FASN: variants seen among roughly 807,000 people sequenced by gnomAD.
The protein encoded by FASN is 3-hydroxyacyl-[acyl-carrier-protein] dehydratase.
Under a neutral mutation model 250.0 loss-of-function variants are expected in FASN, and 50 were observed. The observed-to-expected ratio is 0.20, with a 90% CI of 0.16 to 0.25. FASN has a LOEUF of 0.25. Among genes scored for constraint, FASN ranks in the 10% least tolerant of loss-of-function variants. FASN has a pLI of 1.00. For missense variants in FASN, 3,031 were observed against 3,498.5 expected, an observed-to-expected ratio of 0.87 and a Z score of 3.37; for synonymous variants, 1,909 against 1,584.0, an observed-to-expected ratio of 1.21 and a Z score of -4.87.
chr17:82,082,255 C>T (rs2034002730), intron 35 of FASN, 68 bp downstream of exon 35: 2 of 1,605,018 alleles, frequency 1.2e-6, no homozygotes, highest in African/African-American at 1.3e-5. Flanking sequence ...GTCAACAAAC[C>T]ACCTTGGCTC....
At chr17:82,095,276 G>GCA in intron 3 of FASN, 44 bp downstream of exon 3, 1 of 1,603,826 alleles carries the variant, frequency 6.2e-7, no homozygotes, top group Non-Finnish European at 8.5e-7. Flanking sequence ...TTCCACGTGA[G>GCA]CAGCAGGAGC....
chr17:82,092,966 A>T lies in FASN; in HGVS notation c.709T>A (p.Ser237Thr), dbSNP rs1275432460. ...GVVAVLLTKK[S>T]LARRVYATIL... is the part of the protein sequence containing the mutation. ...GTGGCGTACACCCGCCGGGCCAGGGACTTCTTGGTCAGCAGGACGGCCACC... is the reference window on the plus strand; with the variant it reads ...GTGGCGTACACCCGCCGGGCCAGGGTCTTCTTGGTCAGCAGGACGGCCACC... Residue 237 changes from serine (S) to threonine (T), a missense_variant, in exon 6 of 43, where the codon TCC (serine) becomes ACC (threonine). By Grantham distance (58) the Ser-to-Thr change is moderately conservative. Coordinates refer to ENST00000306749, the MANE Select transcript of FASN (RefSeq NM_004104.5). 1 of 1,611,972 alleles carries T rather than the reference A, an allele frequency of 6.2e-7. No homozygotes were observed. Among genetic ancestry groups the T allele is most frequent in the South Asian group, 1.1e-5 (1 of 90,900 alleles).
chr17:82,081,726 A>G lies in FASN; in HGVS notation c.6281T>C (p.Val2094Ala). ...GGGCTGGTTCAGGAAGAGGTCCAGC[A>G]CCTCCAGGCAGGACGCCATGCGCTG... ...LPQRMASCLE[V>A]LDLFLNQPHM... The change falls in exon 37 of 43, where the codon GTG becomes GCG. Residue 2094 changes from valine (V) to alanine (A), a missense_variant. By Grantham distance (64) the Val-to-Ala change is moderately conservative. Transcript: ENST00000306749. 1 of 1,612,556 alleles carries G rather than the reference A, an allele frequency of 6.2e-7. No individual in the cohort carries two copies. The highest frequency in any genetic ancestry group is 8.5e-7 in the Non-Finnish European group (1 of 1,179,978).
rs2033955522 is a variant in FASN, at chr17:82,079,787, C to T, written c.7147-179G>A. The T allele has an allele frequency of 9.2e-6, 8 of 872,022 alleles. No homozygotes were observed. The Admixed American group carries it at 2.3e-4, about 25-fold the overall frequency. The allele number at this position is 872,022 out of a possible 1,614,324, so 54.0% of individuals were successfully genotyped here. A position where few individuals can be genotyped will look rare whatever the true frequency, so the allele number is the denominator to read the frequency against. On this transcript the variant is annotated intron_variant, in intron 41 of 42. Coordinates refer to ENST00000306749, the MANE Select transcript of FASN (RefSeq NM_004104.5). ...CACCTACCCGGTTCAAGCGATTCTC[C>T]TCCCTCCGCAACCTCCACCTACCCG...
rs148219546 is a variant in FASN, at chr17:82,090,563, A to G, written c.1682T>C (p.Ile561Thr). Residue 561 changes from isoleucine to threonine, a missense_variant and splice_region_variant, in exon 11 of 43, where the codon ATA becomes ACA. Physicochemically the swap from Ile to Thr is moderately conservative, Grantham distance 89. Coordinates refer to ENST00000306749, the MANE Select transcript of FASN (RefSeq NM_004104.5). ...GCAGCTCAGCAGGTCTATGAGGCCT[A>G]TCTGGGGTGGGAACAGGACACTCAG... ...HSFVSLTAIQIGLIDLLSCMG... is the reference protein window; with the variant it reads ...HSFVSLTAIQTGLIDLLSCMG... 18 of 1,610,236 alleles carry G rather than the reference A, an allele frequency of 1.1e-5. 1 individual carries two copies. In the Middle Eastern group the frequency reaches 5.0e-4, roughly 44 times the overall value.
At chr17:82,087,297 C>A (rs1255373883) in intron 20 of FASN, 28 bp downstream of exon 20, 4 of 1,600,816 alleles carry the variant, frequency 2.5e-6, no homozygotes, top group Non-Finnish European at 3.4e-6. Flanking sequence ...TGGGTGGGGG[C>A]ACTGGGCTGG....
In FASN at chr17:82,092,646, C is replaced by T. The variant is rs771154290; in HGVS notation, c.894+51G>A. The T allele has an allele frequency of 1.2e-4, 147 of 1,217,974 alleles. 3 individuals carry two copies. In the South Asian group the frequency reaches 1.3e-3, roughly 11 times the overall value. The allele number at this position is 1,217,974 out of a possible 1,614,324, so 75.4% of individuals were successfully genotyped here. ...GCCAGGTCACCTCTCCAGGCATGGG[C>T]GTAGGTTAGGCTCATGGGGTGGTGA... is the stretch of plus-strand genomic sequence containing the variant. On this transcript the variant is annotated intron_variant, in intron 7 of 42. Coordinates refer to ENST00000306749, the MANE Select transcript of FASN (RefSeq NM_004104.5).
At position 82,082,790 on chromosome 17, in the gene FASN, C is replaced by G. The variant is rs2034014226; in HGVS notation, c.5768-112G>C. The G allele has an allele frequency of 6.4e-6, 10 of 1,551,140 alleles. No homozygotes were observed. The South Asian group carries it at 1.0e-4, about 16-fold the overall frequency. Reference sequence around the variant, plus strand: ...AGAGCCCCATCCAGCAAGCCCCCCACAAGATGGAGGGGGACAGACCCCAGG... The same window carrying G: ...AGAGCCCCATCCAGCAAGCCCCCCAGAAGATGGAGGGGGACAGACCCCAGG... On this transcript the variant is annotated intron_variant, in intron 33 of 42. Transcript: ENST00000306749.
In FASN at chr17:82,083,297, G is replaced by A. The variant is rs144212251; in HGVS notation, c.5470C>T (p.Arg1824Trp). Reference protein sequence around the residue: ...VQAGIRDGVVRPLKCTVFHGA... With the variant: ...VQAGIRDGVVWPLKCTVFHGA... ...TGGAACACCGTGCACTTGAGGGGCC[G>A]TACCACCCCATCCCGGATGCCGGCC... is the stretch of plus-strand genomic sequence containing the variant. The change falls in exon 32 of 43, where the codon CGG becomes TGG. Residue 1824 changes from arginine to tryptophan, a missense_variant. By Grantham distance (101) the Arg-to-Trp change is moderately radical. Transcript: ENST00000306749. 1,469 of 1,612,696 alleles carry A rather than the reference G, an allele frequency of 9.1e-4. 5 individuals are homozygous for A. Among genetic ancestry groups the A allele is most frequent in the Non-Finnish European group, 1.0e-3 (1,220 of 1,180,002 alleles).
At chr17:82,097,430 C>CAG (rs2034322993) in intron 1 of FASN, 1 of 152,292 alleles carries the variant, frequency 6.6e-6, no homozygotes, top group East Asian at 1.9e-4. Context: ...ATACGCGCGC[C>CAG]GCCCCTCGGC....
In FASN at chr17:82,081,778, C is replaced by T. The variant is rs141935205; in HGVS notation, c.6229G>A (p.Asp2077Asn). The stretch of plus-strand genomic sequence containing the variant: ...GGCAGCGTGCCACTGACGATCGTGT[C>T]GTTGGTGCTCATCGTCTCCACCAAA... Reference protein sequence around the residue: ...GILVETMSTNDTIVSGTLPQR... With the variant: ...GILVETMSTNNTIVSGTLPQR... Residue 2077 changes from aspartate (D) to asparagine (N), a missense_variant, in exon 37 of 43, where the codon GAC (aspartate) becomes AAC (asparagine). Asp to Asn is a conservative substitution (Grantham distance 23). Transcript: ENST00000306749. 78 of 1,612,546 alleles carry T rather than the reference C, an allele frequency of 4.8e-5. No individual in the cohort carries two copies. The African/African-American group carries it at 8.0e-4, about 17-fold the overall frequency.
Position 82,082,405 on chromosome 17 carries a change from C to T in FASN, c.5929G>A (p.Asp1977Asn). The T allele has an allele frequency of 6.2e-7, 1 of 1,612,818 alleles. No homozygotes were observed. Among genetic ancestry groups the T allele is most frequent in the Non-Finnish European group, 8.5e-7 (1 of 1,179,994 alleles). The change falls in exon 35 of 43, where the codon GAT (aspartate) becomes AAT (asparagine). Residue 1977 changes from aspartate to asparagine, a missense_variant. Asp to Asn is a conservative substitution (Grantham distance 23, BLOSUM62 1). Transcript: ENST00000306749. ...GVFNLAVVLR[D>N]GLLENQTPEF... ...GGGGTCTGGTTCTCCAGCAAGCCAT[C>T]TCTCAAGACCTGGGGGAGGCATCCT... is the stretch of plus-strand genomic sequence containing the variant.
chr17:82,081,459 C>T (rs2033985731), intron 37 of FASN, 107 bp from the exon 38 acceptor site: 3 of 1,572,770 alleles, frequency 1.9e-6, no homozygotes, highest in Admixed American at 3.4e-5. Context: ...TCCCAAAGCA[C>T]CACCACCACA....
chr17:82,093,044 C>T (rs767606470), intron 5 of FASN, 25 bp from the exon 6 acceptor site: 69 of 1,610,118 alleles, frequency 4.3e-5, no homozygotes, highest in East Asian at 2.2e-4. Flanking sequence ...ACCTCAGGCC[C>T]GGGGCTCAGC....
At chr17:82,086,600 A>AGGCAGATGCCCTG in intron 21 of FASN, 42 bp from the exon 22 acceptor site, 1 of 1,496,108 alleles carries the variant, frequency 6.7e-7, no homozygotes, top group Non-Finnish European at 9.2e-7. Context: ...CCAAAGCCCC[A>AGGCAGATGCCCTG]GGGCATCTGC....
At chr17:82,088,738 A>C (rs993731601) in intron 15 of FASN, 23 bp downstream of exon 15, 4 of 1,598,004 alleles carry the variant, frequency 2.5e-6, no homozygotes, top group Non-Finnish European at 2.6e-6. Flanking sequence ...GGGAGACGAG[A>C]CCCGGGCTGG....
At position 82,089,094 on chromosome 17, in the gene FASN, C is replaced by A; in HGVS notation, c.2179G>T (p.Ala727Ser). 1 of 1,573,672 alleles carries A rather than the reference C, an allele frequency of 6.4e-7. No individual in the cohort carries two copies. The highest frequency in any genetic ancestry group is 8.6e-7 in the Non-Finnish European group (1 of 1,160,370). Residue 727 changes from alanine (A) to serine (S), a missense_variant, in exon 14 of 43, where the codon GCA becomes TCA. Ala to Ser is a moderately conservative substitution (Grantham distance 99, BLOSUM62 1). Coordinates refer to ENST00000306749, the MANE Select transcript of FASN (RefSeq NM_004104.5). ...TTGTACTCGGCGGAGGACGTGCGTG[C>A]CAGGCTGCTGTGCCACTGGGCCTCG... ...IPEAQWHSSL[A>S]RTSSAEYNVN...
chr17:82,094,276 CG>C (rs1027705432), intron 3 of FASN: 3 of 236,588 alleles, frequency 1.3e-5, no homozygotes, highest in Admixed American at 1.0e-4. Context: ...CGGTCACCCC[CG>C]GGGAGCATAA....
rs1278967929 is a variant in FASN, at chr17:82,093,585, G to A, written c.454+13C>T. The A allele has an allele frequency of 1.9e-6, 3 of 1,612,654 alleles. No homozygotes were observed. The highest frequency in any genetic ancestry group is 2.7e-5 in the African/African-American group (2 of 74,940). On this transcript the variant is annotated intron_variant, in intron 4 of 42. Coordinates refer to ENST00000306749, the MANE Select transcript of FASN (RefSeq NM_004104.5). ...AGGCCACCCACCTCCGCAGGAGGCT[G>A]GGCAGGACCCACCTCTGAAGTCGAA...
Sources: gnomAD v4.1 joint callset for allele counts on GRCh38, gnomAD v4.1.1 for gene constraint, MANE v1.5 for transcripts, NCBI Gene and HGNC (gene_info 2026-07-23, HGNC 2026-07-21) for gene names.